ITPR2: variants seen among roughly 807,000 people sequenced by gnomAD.
The protein encoded by ITPR2 is inositol 1,4,5-trisphosphate-gated calcium channel ITPR2.
ITPR2 carries 207 observed loss-of-function variants against 317.1 expected under a neutral mutation model. The ratio of observed to expected loss-of-function variants is 0.65; its 90% CI spans 0.58 to 0.73. The LOEUF is 0.73. Ranked by LOEUF, ITPR2 falls within the 30% of genes least tolerant of loss-of-function variation. The pLI is 0.00. For synonymous variants in ITPR2, 1,156 were observed against 1,149.1 expected (o/e 1.01, Z -0.12); for missense variants, 2,613 against 3,284.0 (o/e 0.80, Z 4.99).
intron 8 of ITPR2, among the ~76,000 whole-genome samples, chr12:26,713,551 G>T (rs1396490368): frequency 6.6e-6 from 1 of 152,214 alleles, no homozygotes; most frequent in Non-Finnish European, 1.5e-5. Flanking sequence ...TGGTCAATGT[G>T]TCACAGCATT....
rs760865222 is a variant in ITPR2, at chr12:26,398,865, C to A, written c.7696+11G>T. On this transcript the variant is annotated intron_variant, in intron 54 of 56. Transcript: ENST00000381340. The stretch of plus-strand genomic sequence containing the variant: ...ATTCATCTATTATTTTAGCATCTGC[C>A]GAACACTTACCACAGATGAAACAAG... 2 of 1,603,516 alleles carry A rather than the reference C, an allele frequency of 1.2e-6. No homozygotes were observed. Among genetic ancestry groups the A allele is most frequent in the South Asian group, 2.3e-5 (2 of 88,498 alleles).
intron 37 of ITPR2, among the ~76,000 whole-genome samples, chr12:26,502,979 T>C (rs1055114523): frequency 2.0e-5 from 3 of 152,118 alleles, no homozygotes; most frequent in African/African-American, 4.8e-5. Context: ...TACGGGGACA[T>C]ATCACCAGCA....
Position 26,354,819 on chromosome 12 carries a change from C to G in ITPR2, c.7858-14491G>C, listed in dbSNP as rs545660411. ...AAGTAGCTGGGATGACAGACACATGCCATCTAACACGCCCAGCTAATTTTT... is the reference window on the plus strand; with the variant it reads ...AAGTAGCTGGGATGACAGACACATGGCATCTAACACGCCCAGCTAATTTTT... On this transcript the variant is annotated intron_variant, in intron 55 of 56. Transcript: ENST00000381340. Among the ~76,000 whole-genome samples, 19 of 152,240 alleles carry G rather than the reference C, an allele frequency of 1.2e-4. No homozygotes were observed. The South Asian group carries it at 3.5e-3, about 28-fold the overall frequency.
At chr12:26,750,362 C>T (rs757465683) in intron 2 of ITPR2, among the ~76,000 whole-genome samples, 5 of 152,168 alleles carry the variant, frequency 3.3e-5, no homozygotes, top group Non-Finnish European at 7.4e-5. Context: ...ACTCACCATG[C>T]CACCCCATCA....
chr12:26,736,822 T>C (rs1162670543), intron 2 of ITPR2, among the ~76,000 whole-genome samples: 1 of 152,078 alleles, frequency 6.6e-6, no homozygotes, highest in Non-Finnish European at 1.5e-5. Context: ...TTGGGTCCAG[T>C]TCTATAGATG....
At chr12:26,380,802 G>C (rs1939487245) in intron 55 of ITPR2, among the ~76,000 whole-genome samples, 1 of 152,134 alleles carries the variant, frequency 6.6e-6, no homozygotes, top group Non-Finnish European at 1.5e-5. Flanking sequence ...AACAGTTACT[G>C]CTCAAAAATA....
At chr12:26,430,827 G>A (rs576135638) in intron 48 of ITPR2, among the ~76,000 whole-genome samples, 24 of 152,242 alleles carry the variant, frequency 1.6e-4, no homozygotes, top group Admixed American at 2.0e-4. Context: ...TCTACCTCAT[G>A]CAGACTCTAT....
chr12:26,644,518 C>CAATT (rs1947066873), intron 21 of ITPR2, among the ~76,000 whole-genome samples: 1 of 152,222 alleles, frequency 6.6e-6, no homozygotes, highest in African/African-American at 2.4e-5. Context: ...AATTGACTCA[C>CAATT]AATTCCACAT....
intron 52 of ITPR2, chr12:26,406,664 C>G (rs1201542350): frequency 1.3e-5 from 2 of 152,032 alleles, no homozygotes; most frequent in Non-Finnish European, 2.9e-5. Flanking sequence ...TGGATGCACA[C>G]TAGGGTTTGC....
chr12:26,679,546 A>G (rs1196706291), intron 13 of ITPR2, among the ~76,000 whole-genome samples: 1 of 152,082 alleles, frequency 6.6e-6, no homozygotes, highest in Non-Finnish European at 1.5e-5. Flanking sequence ...TTTTTGTCAC[A>G]ATGACTTCCT....
At chr12:26,388,469 T>G (rs961308867) in intron 54 of ITPR2, among the ~76,000 whole-genome samples, 1 of 152,058 alleles carries the variant, frequency 6.6e-6, no homozygotes, top group Admixed American at 6.5e-5. Flanking sequence ...ACCCTTTTAT[T>G]TATTTATTTT....
intron 37 of ITPR2, among the ~76,000 whole-genome samples, chr12:26,540,642 T>C (rs1201812454): frequency 6.6e-6 from 1 of 152,156 alleles, no homozygotes. Flanking sequence ...CAAAAACCCT[T>C]GAAGCAATGA....
In ITPR2 at chr12:26,517,837, C is replaced by CAAACA. The variant is rs145030888; in HGVS notation, c.5074-22582_5074-22578dup. Among the ~76,000 whole-genome samples, 147 of 152,076 alleles carry CAAACA rather than the reference C, an allele frequency of 9.7e-4. No homozygotes were observed. The Middle Eastern group carries it at 0.014, about 14-fold the overall frequency. ...TGGGCAACAGGGCAAGACTCTGTAT[C>CAAACA]AAACAAAACAAAACAAAACAAAACA... On this transcript the variant is annotated intron_variant, in intron 37 of 56. Transcript: ENST00000381340.
At chr12:26,621,403 A>C in intron 25 of ITPR2, 107 bp from the exon 26 acceptor site, 3 of 710,536 alleles carry the variant, frequency 4.2e-6, no homozygotes, top group African/African-American at 1.8e-5. Context: ...AGTAAGTGTG[A>C]ACACTTAACC....
chr12:26,487,393 G>T, intron 39 of ITPR2, 142 bp from the exon 40 acceptor site: 1 of 592,672 alleles, frequency 1.7e-6, no homozygotes, highest in Non-Finnish European at 2.9e-6. Flanking sequence ...GACAGCCTTT[G>T]CCAGTTTCTT....
chr12:26,697,123 A>T (rs1316533715), intron 9 of ITPR2, among the ~76,000 whole-genome samples: 2 of 152,218 alleles, frequency 1.3e-5, no homozygotes, highest in Non-Finnish European at 2.9e-5. Context: ...GAATCCATAG[A>T]GTCGATGTCT....
At chr12:26,756,595 G>A (rs563605273) in intron 2 of ITPR2, among the ~76,000 whole-genome samples, 39 of 152,034 alleles carry the variant, frequency 2.6e-4, no homozygotes, top group Non-Finnish European at 3.8e-4. Flanking sequence ...GCCTCTTGTC[G>A]GAACTCAAGA....
intron 32 of ITPR2, among the ~76,000 whole-genome samples, chr12:26,584,649 G>A (rs1945478982): frequency 1.3e-5 from 2 of 152,188 alleles, no homozygotes; most frequent in Admixed American, 1.3e-4. Context: ...CAATATGGTA[G>A]CCATTAGACA....
intron 33 of ITPR2, among the ~76,000 whole-genome samples, chr12:26,579,808 G>T (rs990904344): frequency 6.6e-6 from 1 of 152,080 alleles, no homozygotes; most frequent in African/African-American, 2.4e-5. Context: ...GAAGTTCTTA[G>T]TCTGCTTAGA....
Sources: gnomAD v4.1 joint callset for allele counts (sites outside exome capture counted in the v4.1 genomes callset) on GRCh38, gnomAD v4.1.1 for gene constraint, MANE v1.5 for transcripts, NCBI Gene and HGNC (gene_info 2026-07-23, HGNC 2026-07-21) for gene names.